ZNF462: variants seen among roughly 807,000 people sequenced by gnomAD.
The protein encoded by ZNF462 is zinc finger protein 462.
ZNF462 carries 10 observed loss-of-function variants against 201.9 expected under a neutral mutation model. The ratio of observed to expected loss-of-function variants is 0.05; its 90% CI spans 0.03 to 0.08. ZNF462 has a LOEUF of 0.08. Among genes scored for constraint, ZNF462 ranks in the 10% least tolerant of loss-of-function variants. The pLI is 1.00. For missense variants in ZNF462, 2,523 were observed against 3,168.3 expected (o/e 0.80, Z 4.89); for synonymous variants, 1,227 against 1,193.3 (o/e 1.03, Z -0.58).
chr9:106,908,922 TATATATATATATATATATA>T (rs1476007515), intron 1 of ZNF462, among the ~76,000 whole-genome samples: 1 of 29,356 alleles, frequency 3.4e-5, no homozygotes, highest in Non-Finnish European at 6.3e-5. Context: ...TATATATATA[TATATATATATATATATATA>T]TTTTTTTTTT....
rs773777702 is a variant in ZNF462 at position 106,925,229 on chromosome 9, C to T, written c.1317C>T (p.Phe439=). The T allele has an allele frequency of 1.6e-5, 26 of 1,614,192 alleles. No homozygotes were observed. Among genetic ancestry groups the T allele is most frequent in the Non-Finnish European group, 2.2e-5 (26 of 1,180,040 alleles). ...GIPFRRFMNR[F]QCPFCPFLTM... ...CATTTAGAAGATTCATGAATAGGTTCCAGTGCCCCTTTTGTCCTTTCCTCA... is the reference window on the plus strand; with the variant it reads ...CATTTAGAAGATTCATGAATAGGTTTCAGTGCCCCTTTTGTCCTTTCCTCA... Residue 439 remains phenylalanine, a synonymous_variant, in exon 3 of 13, where the codon TTC becomes TTT. Coordinates refer to ENST00000277225, the MANE Select transcript of ZNF462 (RefSeq NM_021224.6). This position sits in a 1 kb window ranked among gnomAD's most constrained non-coding sequence, Gnocchi z 7.9.
rs1384299234 is a variant in ZNF462, at chr9:106,870,445, T to C, written c.-31+7090T>C. ...TGTCCACATCTTACCCCCAACCTTA[T>C]TCAAAGAGTAGACCCTGTTCTTTAG... is the stretch of plus-strand genomic sequence containing the variant. On this transcript the variant is annotated intron_variant, in intron 1 of 12. Transcript: ENST00000277225. The surrounding 1 kb of genome is among the most constrained non-coding windows in gnomAD (Gnocchi z 4.3). Among the ~76,000 whole-genome samples the C allele has an allele frequency of 6.6e-6, 1 of 152,198 alleles. No homozygotes were observed. Among genetic ancestry groups the C allele is most frequent in the Non-Finnish European group, 1.5e-5 (1 of 68,028 alleles).
At chr9:106,861,041 T>C (rs1827052160), upstream of ZNF462, among the ~76,000 whole-genome samples, 1 of 151,884 alleles carries the variant, frequency 6.6e-6, no homozygotes, top group African/African-American at 2.4e-5. Flanking sequence ...TCGCCTTTCC[T>C]CTCCCTCCCC....
Position 106,929,747 on chromosome 9 carries a change from C to T in ZNF462, c.5835C>T (p.Phe1945=). 1 of 1,612,476 alleles carries T rather than the reference C, an allele frequency of 6.2e-7. No individual in the cohort carries two copies. The highest frequency in any genetic ancestry group is 8.5e-7 in the Non-Finnish European group (1 of 1,179,150). The part of the protein sequence containing the change: ...QKYADGAFAD[F]KQERPFGHLE... ...ATGCAGATGGTGCTTTTGCAGATTT[C>T]AAACAAGAGAGGGTAAGGATATGTT... is the stretch of plus-strand genomic sequence containing the variant. The change falls in exon 3 of 13, where the codon TTC becomes TTT. Residue 1945 remains phenylalanine, a synonymous_variant. Transcript: ENST00000277225. The surrounding 1 kb of genome is among the most constrained non-coding windows in gnomAD (Gnocchi z 8.7).
At chr9:106,866,537 G>T (rs1827339391) in intron 1 of ZNF462, among the ~76,000 whole-genome samples, 1 of 152,072 alleles carries the variant, frequency 6.6e-6, no homozygotes, top group African/African-American at 2.4e-5. Context: ...AAAATGTATG[G>T]TTTCAGTTGA....
intron 1 of ZNF462, among the ~76,000 whole-genome samples, chr9:106,916,983 C>G (rs2131363342): frequency 6.6e-6 from 1 of 152,354 alleles, no homozygotes; most frequent in African/African-American, 2.4e-5. Context: ...CTTCTTTTAT[C>G]TCCTTATTCA....
At position 106,924,743 on chromosome 9, in the gene ZNF462, A is replaced by G. The variant is rs372923380; in HGVS notation, c.831A>G (p.Arg277=). The change falls in exon 3 of 13, where the codon AGA becomes AGG. Residue 277 remains arginine (R), a synonymous_variant. Coordinates refer to ENST00000277225, the MANE Select transcript of ZNF462 (RefSeq NM_021224.6). This position sits in a 1 kb window ranked among gnomAD's most constrained non-coding sequence, Gnocchi z 6.2. ...TGGTCAAGATCCTTTCCAGTCTCAG[A>G]CAGCAACAAGAAGGAACTAATCTAC... is the stretch of plus-strand genomic sequence containing the variant. ...RSMVKILSSL[R]QQQEGTNLPD... 45 of 1,614,026 alleles carry G rather than the reference A, an allele frequency of 2.8e-5. No individual in the cohort carries two copies. Among genetic ancestry groups the G allele is most frequent in the Non-Finnish European group, 3.6e-5 (43 of 1,180,044 alleles).
At chr9:106,934,131 T>G (rs1331025818) in intron 5 of ZNF462, among the ~76,000 whole-genome samples, 1 of 152,126 alleles carries the variant, frequency 6.6e-6, no homozygotes, top group Non-Finnish European at 1.5e-5. Context: ...CTTAATTTCA[T>G]TCTCAAAACT....
At chr9:106,864,407 C>A (rs1454335148) in intron 1 of ZNF462, among the ~76,000 whole-genome samples, 1 of 152,050 alleles carries the variant, frequency 6.6e-6, no homozygotes. Flanking sequence ...TGGTGCAGTT[C>A]CCAGGGGTCT....
chr9:106,983,913 GCAAGC>G (rs1827632437), intron 9 of ZNF462, among the ~76,000 whole-genome samples: 1 of 152,112 alleles, frequency 6.6e-6, no homozygotes, highest in African/African-American at 2.4e-5. Context: ...TCAGGAATTA[GCAAGC>G]ACCTACTAGC....
rs561920330 is a variant in ZNF462 at position 106,966,407 on chromosome 9, C to T, written c.6428-5598C>T. Among the ~76,000 whole-genome samples the T allele has an allele frequency of 5.9e-5, 9 of 152,034 alleles. No individual in the cohort carries two copies. The highest frequency in any genetic ancestry group is 2.1e-4 in the South Asian group (1 of 4,800). The stretch of plus-strand genomic sequence containing the variant: ...AGTGAGTTGAACGTTTAGGTAGCTG[C>T]GTGTCTAGTGTTGATTTCATTAATT... On this transcript the variant is annotated intron_variant, in intron 7 of 12. Coordinates refer to ENST00000277225, the MANE Select transcript of ZNF462 (RefSeq NM_021224.6). This position sits in a 1 kb window ranked among gnomAD's most constrained non-coding sequence, Gnocchi z 4.4.
At chr9:106,866,651 C>A (rs1398547380) in intron 1 of ZNF462, among the ~76,000 whole-genome samples, 1 of 152,112 alleles carries the variant, frequency 6.6e-6, no homozygotes, top group Non-Finnish European at 1.5e-5. Context: ...GGAATCATAA[C>A]TTTTATTATT....
intron 1 of ZNF462, among the ~76,000 whole-genome samples, chr9:106,863,775 G>T (rs1043700477): frequency 6.6e-6 from 1 of 151,886 alleles, no homozygotes; most frequent in African/African-American, 2.4e-5. Flanking sequence ...GAGAGCTGGA[G>T]GCTTAGGACG....
chr9:106,880,782 T>C lies in ZNF462; in HGVS notation c.-31+17427T>C, dbSNP rs1315005821. ...CCTTTGTGAATTAAAAAGGAATGTC[T>C]AGTAGGCAGTGTGGGGACCTGGACT... is the stretch of plus-strand genomic sequence containing the variant. On this transcript the variant is annotated intron_variant, in intron 1 of 12. Coordinates refer to ENST00000277225, the MANE Select transcript of ZNF462 (RefSeq NM_021224.6). This position sits in a 1 kb window ranked among gnomAD's most constrained non-coding sequence, Gnocchi z 4.1. 3.3e-5 allele frequency among the ~76,000 whole-genome samples: 5 copies of C among 152,204 alleles called. No homozygotes were observed. The highest frequency in any genetic ancestry group is 7.3e-5 in the Non-Finnish European group (5 of 68,032).
At chr9:106,951,879 T>C (rs1213898923) in intron 7 of ZNF462, among the ~76,000 whole-genome samples, 3 of 151,942 alleles carry the variant, frequency 2.0e-5, no homozygotes, top group African/African-American at 7.3e-5. Context: ...AGTGGAATTT[T>C]GGAGTCGCGG....
intron 7 of ZNF462, among the ~76,000 whole-genome samples, chr9:106,944,618 AGTT>A (rs1831024756): frequency 6.6e-6 from 1 of 152,138 alleles, no homozygotes; most frequent in Non-Finnish European, 1.5e-5. Flanking sequence ...ATATACAATC[AGTT>A]GTTGTTTATT....
intron 10 of ZNF462, among the ~76,000 whole-genome samples, chr9:106,988,006 G>C (rs575839595): frequency 6.6e-6 from 1 of 152,258 alleles, no homozygotes; most frequent in East Asian, 1.9e-4. Context: ...TCTCTATTCT[G>C]TTCCATTGGT....
chr9:106,898,315 T>C (rs746998086), intron 1 of ZNF462, among the ~76,000 whole-genome samples: 1 of 151,962 alleles, frequency 6.6e-6, no homozygotes, highest in Non-Finnish European at 1.5e-5. Flanking sequence ...GTTTGGGAGA[T>C]TCAGGGGTCC....
Position 107,009,720 on chromosome 9 carries a change from G to A in ZNF462, c.7313+52G>A, listed in dbSNP as rs1829810584. On this transcript the variant is annotated intron_variant, in intron 12 of 12. Coordinates refer to ENST00000277225, the MANE Select transcript of ZNF462 (RefSeq NM_021224.6). The surrounding 1 kb of genome is among the most constrained non-coding windows in gnomAD (Gnocchi z 6.1). ...TTTGTCCAAAGCAAGAGGTAGGGAG[G>A]GAGGGAGGGGCTCTTGTTTTGGTTC... 1.9e-6 allele frequency: 3 copies of A among 1,590,716 alleles called. No homozygotes were observed. The highest frequency in any genetic ancestry group is 1.1e-5 in the South Asian group (1 of 89,724).
Sources: allele counts gnomAD v4.1 joint callset (sites outside exome capture counted in the v4.1 genomes callset), GRCh38; gene constraint gnomAD v4.1.1; non-coding constraint Gnocchi (gnomAD v3.1); transcripts MANE v1.5; gene names NCBI Gene and HGNC (gene_info 2026-07-23, HGNC 2026-07-21).